ARNT: variants seen among roughly 807,000 people sequenced by gnomAD.
ARNT encodes class E basic helix-loop-helix protein 2.
Under a neutral mutation model 105.0 loss-of-function variants are expected in ARNT, and 30 were observed. That is an observed-to-expected ratio of 0.29 (90% CI 0.21 to 0.39). The LOEUF (loss-of-function observed/expected upper bound fraction) is 0.39, where lower values mean the gene tolerates loss of function less well. Among genes scored for constraint, ARNT ranks in the 10% least tolerant of loss-of-function variants. ARNT has a pLI of 1.00. For missense variants in ARNT, 748 were observed against 978.7 expected (o/e 0.76, Z 3.15); for synonymous variants, 304 against 344.0 (o/e 0.88, Z 1.29).
At chr1:150,860,218 C>CTTTTTT (rs756996050) in intron 1 of ARNT, among the ~76,000 whole-genome samples, 36,969 of 111,540 alleles carry the variant, frequency 0.33, 7,097 homozygotes, top group South Asian at 0.45. Flanking sequence ...AAAAAAAATT[C>CTTTTTT]TTTTTTTTTT....
rs1218018755 is a variant in ARNT at position 150,872,261 on chromosome 1, A to G, written c.25+4282T>C. Among the ~76,000 whole-genome samples, 3 of 152,228 alleles carry G rather than the reference A, an allele frequency of 2.0e-5. No homozygotes were observed. In the East Asian group the frequency reaches 5.8e-4, roughly 29 times the overall value. On this transcript the variant is annotated intron_variant, in intron 1 of 21. Coordinates refer to ENST00000358595, the MANE Select transcript of ARNT (RefSeq NM_001668.4). ...AGCCACCACACCTGGCCATAAAAGA[A>G]TATCTTGACATCTTAACTTTACATT...
In ARNT at chr1:150,829,079, C is replaced by T; in HGVS notation, c.1167+14G>A. On this transcript the variant is annotated intron_variant, in intron 12 of 21. Transcript: ENST00000358595. ...AAAGGAAAATGGAGGCCTAATGGAGCTCCAGCTCCTCACCTGTGGCTGGTA... is the reference window on the plus strand; with the variant it reads ...AAAGGAAAATGGAGGCCTAATGGAGTTCCAGCTCCTCACCTGTGGCTGGTA... 6.2e-7 allele frequency: 1 copy of T among 1,613,438 alleles called. No individual in the cohort carries two copies.
chr1:150,851,310 T>C (rs1451128858), intron 3 of ARNT, among the ~76,000 whole-genome samples: 1 of 151,574 alleles, frequency 6.6e-6, no homozygotes, highest in African/African-American at 2.4e-5. Context: ...CCACCCCTTC[T>C]GGGAAGTGAG....
chr1:150,872,607 T>G (rs1667624446), intron 1 of ARNT, among the ~76,000 whole-genome samples: 1 of 152,184 alleles, frequency 6.6e-6, no homozygotes, highest in Non-Finnish European at 1.5e-5. Flanking sequence ...ATCAAATACC[T>G]AATCTCCTCC....
At chr1:150,815,171 T>A (rs1009845004) in intron 19 of ARNT, among the ~76,000 whole-genome samples, 4 of 152,126 alleles carry the variant, frequency 2.6e-5, no homozygotes, top group Non-Finnish European at 5.9e-5. Context: ...ATTACTTGTA[T>A]AACATAAATA....
At chr1:150,822,994 G>A (rs1326234875) in intron 14 of ARNT, among the ~76,000 whole-genome samples, 200 bp downstream of exon 14, 1 of 152,108 alleles carries the variant, frequency 6.6e-6, no homozygotes. Context: ...CCAGCTCACT[G>A]CAACCTCCAC....
At chr1:150,847,973 A>T (rs1210236725) in intron 3 of ARNT, among the ~76,000 whole-genome samples, 1 of 152,212 alleles carries the variant, frequency 6.6e-6, no homozygotes, top group African/African-American at 2.4e-5. Flanking sequence ...ATAAAAAAAG[A>T]AGATAGATGC....
At chr1:150,816,538 T>C (rs745712465) in intron 18 of ARNT, 132 bp from the exon 19 acceptor site, 4 of 1,189,570 alleles carry the variant, frequency 3.4e-6, no homozygotes, top group Non-Finnish European at 4.6e-6. Context: ...TGATAACAAT[T>C]TGGAAAAGAC....
chr1:150,852,430 A>C (rs1458722828), intron 3 of ARNT, among the ~76,000 whole-genome samples: 1 of 152,144 alleles, frequency 6.6e-6, no homozygotes, highest in Non-Finnish European at 1.5e-5. Flanking sequence ...CTGAGAATGC[A>C]GTCTTATGAG....
At chr1:150,851,248 G>A (rs1287249852) in intron 3 of ARNT, among the ~76,000 whole-genome samples, 9 of 136,420 alleles carry the variant, frequency 6.6e-5, no homozygotes, top group East Asian at 2.3e-4. Context: ...TGGTGGGGGC[G>A]CCTCCGCCCA....
chr1:150,836,438 C>T lies in ARNT; in HGVS notation c.542G>A (p.Cys181Tyr). 1.2e-6 allele frequency: 2 copies of T among 1,614,098 alleles called. No individual in the cohort carries two copies. The highest frequency in any genetic ancestry group is 1.7e-6 in the Non-Finnish European group (2 of 1,180,000). ...AADGFLFIVS[C>Y]ETGRVVYVSD... Reference sequence around the variant, plus strand: ...CACATACACCACCCTGCCTGTCTCACATGAGACAATAAACAGAAAGCCATC... The same window carrying T: ...CACATACACCACCCTGCCTGTCTCATATGAGACAATAAACAGAAAGCCATC... The change falls in exon 7 of 22, where the codon TGT (cysteine) becomes TAT (tyrosine). Residue 181 changes from cysteine to tyrosine, a missense_variant. Around this residue, in one of 4 missense-constraint regions of ARNT, gnomAD observed 291 missense variants for 444.6 expected, o/e 0.65. Coordinates refer to ENST00000358595, the MANE Select transcript of ARNT (RefSeq NM_001668.4).
intron 11 of ARNT, 89 bp downstream of exon 11, chr1:150,829,815 T>C (rs1571263472): frequency 7.2e-7 from 1 of 1,385,798 alleles, no homozygotes. Context: ...TTCATTTGTA[T>C]TCAGAAAGTA....
At chr1:150,817,881 G>T in intron 15 of ARNT, 39 bp downstream of exon 15, 1 of 1,517,184 alleles carries the variant, frequency 6.6e-7, no homozygotes, top group Non-Finnish European at 9.0e-7. Flanking sequence ...CCACCCCCTG[G>T]GTGACTGCTC....
chr1:150,844,410 G>A (rs2134688), intron 4 of ARNT, among the ~76,000 whole-genome samples: 126,735 of 152,002 alleles, frequency 0.83, 53,653 homozygotes, highest in Non-Finnish European at 0.9. Context: ...TGCATTTTAT[G>A]TAATACCCTC....
At chr1:150,845,281 G>A (rs940031249) in intron 4 of ARNT, among the ~76,000 whole-genome samples, 1 of 151,998 alleles carries the variant, frequency 6.6e-6, no homozygotes, top group Non-Finnish European at 1.5e-5. Context: ...TGAAAACAAT[G>A]TCTCTAAAAA....
At chr1:150,857,128 T>C (rs1664763893) in intron 2 of ARNT, among the ~76,000 whole-genome samples, 1 of 152,092 alleles carries the variant, frequency 6.6e-6, no homozygotes, top group African/African-American at 2.4e-5. Context: ...CCTATGTACA[T>C]GTTATACATA....
chr1:150,844,839 T>C (rs1490641131), intron 4 of ARNT, among the ~76,000 whole-genome samples: 1 of 150,558 alleles, frequency 6.6e-6, no homozygotes, highest in Non-Finnish European at 1.5e-5. Flanking sequence ...TGACACAAAA[T>C]CTTGCTGTCA....
chr1:150,829,418 C>A, intron 11 of ARNT, 191 bp from the exon 12 acceptor site: 1 of 623,770 alleles, frequency 1.6e-6, no homozygotes, highest in Non-Finnish European at 2.8e-6. Context: ...AGCTCTGCTC[C>A]CATACATTTA....
rs768306839 is a variant in ARNT at position 150,814,228 on chromosome 1, GGTAGCCACCTGC to G, written c.1951-1_1961del. 21 of 1,613,966 alleles carry G rather than the reference GGTAGCCACCTGC, an allele frequency of 1.3e-5. 1 individual carries two copies. The Admixed American group carries it at 3.5e-4, about 27-fold the overall frequency. ...AAGTACGAGTCTTAGCAGTAGCCTG[GGTAGCCACCTGC>G]TAAAGAGAGATGGAGAGGGGATATA... On this transcript the variant is annotated splice_acceptor_variant and coding_sequence_variant, in exon 20 of 22. Transcript: ENST00000358595. LOFTEE classifies it high-confidence loss of function.
Sources: allele counts gnomAD v4.1 joint callset (sites outside exome capture counted in the v4.1 genomes callset), GRCh38; gene constraint gnomAD v4.1.1; regional missense constraint gnomAD v4.1.1; transcripts MANE v1.5; gene names NCBI Gene and HGNC (gene_info 2026-07-23, HGNC 2026-07-21).